Variants in ANKS1B observed in about 807,000 individuals in gnomAD.
ANKS1B encodes the protein ankyrin repeat and sterile alpha motif domain containing 1B.
In ANKS1B, 36 loss-of-function variants were observed where a neutral mutation model predicts 148.3. The observed-to-expected ratio is 0.24, with a 90% CI of 0.19 to 0.32. The LOEUF (loss-of-function observed/expected upper bound fraction) is 0.32, where lower values mean the gene tolerates loss of function less well. Ranked by LOEUF, ANKS1B falls within the 10% of genes least tolerant of loss-of-function variation. The pLI is 1.00. For synonymous variants in ANKS1B, 542 were observed against 560.8 expected (o/e 0.97, Z 0.47); for missense variants, 1,157 against 1,542.6 (o/e 0.75, Z 4.19).
intron 1 of ANKS1B, among the ~76,000 whole-genome samples, chr12:99,980,379 T>G (rs958558269): frequency 6.6e-6 from 1 of 152,020 alleles, no homozygotes; most frequent in East Asian, 1.9e-4. Flanking sequence ...ATTCCACCAC[T>G]CAAAGATGAA....
chr12:99,184,904 T>C (rs1601498354), intron 14 of ANKS1B, among the ~76,000 whole-genome samples: 2 of 152,334 alleles, frequency 1.3e-5, no homozygotes, highest in African/African-American at 4.8e-5. Context: ...TAAATGGAAA[T>C]TGATGAAAAA....
chr12:98,782,251 A>G, intron 22 of ANKS1B, 114 bp from the exon 23 acceptor site: 3 of 890,632 alleles, frequency 3.4e-6, no homozygotes, highest in Non-Finnish European at 5.3e-6. Context: ...TTCATTAAAA[A>G]ACAAAAGATG....
chr12:99,550,052 G>A (rs1185375199), intron 9 of ANKS1B, among the ~76,000 whole-genome samples: 1 of 152,186 alleles, frequency 6.6e-6, no homozygotes, highest in Non-Finnish European at 1.5e-5. Context: ...CAATAAACCT[G>A]TGTTGTTGTT....
chr12:99,151,715 T>C (rs912338732), intron 15 of ANKS1B, among the ~76,000 whole-genome samples: 1 of 152,194 alleles, frequency 6.6e-6, no homozygotes, highest in African/African-American at 2.4e-5. Flanking sequence ...AAGCTTTCAA[T>C]AAATACTTTA....
chr12:99,406,179 G>T lies in ANKS1B; in HGVS notation c.1576-6368C>A, dbSNP rs529767785. 1.4e-5 allele frequency among the ~76,000 whole-genome samples: 2 copies of T among 144,898 alleles called. 1 individual carries two copies. The highest frequency in any genetic ancestry group is 5.2e-5 in the African/African-American group (2 of 38,298). On this transcript the variant is annotated intron_variant, in intron 11 of 26. Coordinates refer to ENST00000683438, the MANE Select transcript of ANKS1B (RefSeq NM_001352186.2). ...TACTATAGGTCAAATGGGCTTAATAGGTATCTACAGAACATTTCAATGAAC... is the reference window on the plus strand; with the variant it reads ...TACTATAGGTCAAATGGGCTTAATATGTATCTACAGAACATTTCAATGAAC...
At chr12:99,436,594 G>A (rs1180772945) in intron 11 of ANKS1B, among the ~76,000 whole-genome samples, 3 of 151,882 alleles carry the variant, frequency 2.0e-5, no homozygotes, top group African/African-American at 7.3e-5. Context: ...ACCCCACAGT[G>A]CCCAGAAAAA....
At chr12:99,575,631 G>C (rs1252186436) in intron 9 of ANKS1B, among the ~76,000 whole-genome samples, 1 of 151,976 alleles carries the variant, frequency 6.6e-6, no homozygotes, top group Non-Finnish European at 1.5e-5. Flanking sequence ...CAGATCTCGT[G>C]AGACTTATTC....
chr12:99,953,651 T>C (rs1372343012), intron 1 of ANKS1B, among the ~76,000 whole-genome samples: 3 of 150,006 alleles, frequency 2.0e-5, no homozygotes, highest in Non-Finnish European at 4.4e-5. Flanking sequence ...AGAATGTAAA[T>C]GCAAAGATGA....
chr12:98,741,331 G>T (rs2097797640), downstream of ANKS1B, among the ~76,000 whole-genome samples: 1 of 152,174 alleles, frequency 6.6e-6, no homozygotes, highest in African/African-American at 2.4e-5. Flanking sequence ...TGGAATCTCA[G>T]AAAGTCATAA....
chr12:98,875,073 G>C (rs1002118203), intron 17 of ANKS1B, among the ~76,000 whole-genome samples: 3 of 152,192 alleles, frequency 2.0e-5, no homozygotes, highest in African/African-American at 7.2e-5. Flanking sequence ...TGTACCATCT[G>C]TGGACTAGAA....
Position 98,901,622 on chromosome 12 carries a change from G to A in ANKS1B, c.2779-69486C>T, listed in dbSNP as rs181214256. Among the ~76,000 whole-genome samples, 375 of 152,258 alleles carry A rather than the reference G, an allele frequency of 2.5e-3. 1 individual carries two copies. The highest frequency in any genetic ancestry group is 7.7e-3 in the African/African-American group (321 of 41,548). On this transcript the variant is annotated intron_variant, in intron 17 of 26. Transcript: ENST00000683438. ...TGTAGAGAGCAGGGTTTTCAATTTC[G>A]CAAAATAAATAAATGAATAAATGTT...
intron 14 of ANKS1B, among the ~76,000 whole-genome samples, chr12:99,197,116 A>G (rs2081483315): frequency 6.6e-6 from 1 of 152,140 alleles, no homozygotes; most frequent in Non-Finnish European, 1.5e-5. Flanking sequence ...CATAGGTCCA[A>G]TCTGAACGGA....
At chr12:99,951,770 A>G (rs970848064) in intron 1 of ANKS1B, among the ~76,000 whole-genome samples, 1 of 152,148 alleles carries the variant, frequency 6.6e-6, no homozygotes, top group Admixed American at 6.5e-5. Context: ...TGTAGTCCCA[A>G]CTATAACTCA....
At chr12:99,981,753 A>C (rs536014052) in intron 1 of ANKS1B, among the ~76,000 whole-genome samples, 1 of 152,132 alleles carries the variant, frequency 6.6e-6, no homozygotes, top group Non-Finnish European at 1.5e-5. Flanking sequence ...ACAAGAATTG[A>C]ATGAGATGAC....
At chr12:99,217,090 C>A (rs879366803) in intron 14 of ANKS1B, among the ~76,000 whole-genome samples, 4 of 152,178 alleles carry the variant, frequency 2.6e-5, no homozygotes, top group Admixed American at 2.6e-4. Context: ...AACATATCAC[C>A]TTGGACCAAT....
At chr12:99,453,231 A>G (rs1270904446) in intron 10 of ANKS1B, among the ~76,000 whole-genome samples, 1 of 152,102 alleles carries the variant, frequency 6.6e-6, no homozygotes, top group Non-Finnish European at 1.5e-5. Flanking sequence ...CAGAGCTTGG[A>G]GTGAGCCGAG....
intron 12 of ANKS1B, among the ~76,000 whole-genome samples, chr12:99,369,782 AT>A (rs1485603080): frequency 1.1e-4 from 16 of 146,006 alleles, no homozygotes; most frequent in African/African-American, 2.4e-4. Context: ...AGATAGATAG[AT>A]AGATAGATGG....
At chr12:99,555,604 G>A (rs1190848375) in intron 9 of ANKS1B, among the ~76,000 whole-genome samples, 1 of 152,028 alleles carries the variant, frequency 6.6e-6, no homozygotes, top group Non-Finnish European at 1.5e-5. Context: ...TTATTTTGAG[G>A]TATATTCCTT....
intron 22 of ANKS1B, among the ~76,000 whole-genome samples, chr12:98,794,024 C>A (rs1394536397): frequency 6.6e-6 from 1 of 152,180 alleles, no homozygotes; most frequent in Non-Finnish European, 1.5e-5. Context: ...ACAACAACAA[C>A]AAACCCACTG....
Sources: allele counts gnomAD v4.1 joint callset (sites outside exome capture counted in the v4.1 genomes callset), GRCh38; gene constraint gnomAD v4.1.1; transcripts MANE v1.5; gene names NCBI Gene and HGNC (gene_info 2026-07-23, HGNC 2026-07-21).